PMM2: variants seen among roughly 807,000 people sequenced by gnomAD.
PMM2 encodes mannose-6-phosphate isomerase.
A neutral mutation model predicts 33.2 loss-of-function variants in PMM2; 35 were observed. That is an observed-to-expected ratio of 1.06 (90% CI 0.81 to 1.40). The LOEUF is 1.40. Ranked by LOEUF, PMM2 falls within the 40% of genes most tolerant of loss-of-function variation. The pLI is 0.00. For missense variants in PMM2, 386 were observed against 306.0 expected (o/e 1.26, Z -1.95); for synonymous variants, 153 against 114.7 (o/e 1.33, Z -2.13).
intron 7 of PMM2, among the ~76,000 whole-genome samples, chr16:8,837,063 G>T (rs565358403): frequency 1.5e-4 from 23 of 151,966 alleles, no homozygotes; most frequent in Non-Finnish European, 3.2e-4. Flanking sequence ...GCCTGGCGAG[G>T]AGGAGAGGTC....
At chr16:8,798,957 GCTCAA>G (rs1412971024) in intron 1 of PMM2, among the ~76,000 whole-genome samples, 1 of 152,224 alleles carries the variant, frequency 6.6e-6, no homozygotes, top group East Asian at 1.9e-4. Context: ...TAGTGATGAC[GCTCAA>G]CTCCCAAGTT....
At chr16:8,798,820 A>T (rs150174406) in intron 1 of PMM2, among the ~76,000 whole-genome samples, 30 of 152,110 alleles carry the variant, frequency 2.0e-4, no homozygotes, top group Non-Finnish European at 2.4e-4. Context: ...CACTATCCTC[A>T]GCTTCTACCC....
chr16:8,813,125 G>C lies in PMM2; in HGVS notation c.639+19G>C, dbSNP rs145473288. On this transcript the variant is annotated intron_variant, in intron 7 of 7. Coordinates refer to ENST00000268261, the MANE Select transcript of PMM2 (RefSeq NM_000303.3). ...TATGCCAGTAAGTAGAGAAGTGTTT[G>C]TGCACCTTCATTGTTGCATTTGCGC... 192 of 1,428,174 alleles carry C rather than the reference G, an allele frequency of 1.3e-4. No individual in the cohort carries two copies. In the African/African-American group the frequency reaches 2.3e-3, roughly 17 times the overall value. The allele number at this position is 1,428,174 out of a possible 1,614,324, so 88.5% of individuals were successfully genotyped here.
intron 7 of PMM2, among the ~76,000 whole-genome samples, chr16:8,817,063 C>T (rs776246416): frequency 2.6e-5 from 4 of 152,150 alleles, no homozygotes; most frequent in African/African-American, 7.2e-5. Context: ...GAATTAGAGG[C>T]GTGCACTACC....
At chr16:8,838,969 G>C (rs2060871468) in intron 7 of PMM2, among the ~76,000 whole-genome samples, 1 of 152,018 alleles carries the variant, frequency 6.6e-6, no homozygotes, top group South Asian at 2.1e-4. Flanking sequence ...TGCAGCTAAA[G>C]AGTCAACTTG....
At chr16:8,804,872 A>G (rs2060638134) in intron 3 of PMM2, 29 bp downstream of exon 3, 5 of 1,384,344 alleles carry the variant, frequency 3.6e-6, no homozygotes, top group South Asian at 1.2e-5. Flanking sequence ...GAATTACTAT[A>G]TACTATTAAA....
intron 2 of PMM2, chr16:8,802,248 G>T: frequency 4.4e-6 from 2 of 453,540 alleles, no homozygotes; most frequent in Non-Finnish European, 8.9e-6. Flanking sequence ...TCTTCATATT[G>T]TCCCTCTGAC....
At chr16:8,801,049 G>T (rs1448661605) in intron 1 of PMM2, among the ~76,000 whole-genome samples, 1 of 152,138 alleles carries the variant, frequency 6.6e-6, no homozygotes, top group Non-Finnish European at 1.5e-5. Context: ...TCCATAAATG[G>T]AGTATAGTGT....
rs104894527 is a variant in PMM2, at chr16:8,804,781, G to T, written c.193G>T (p.Asp65Tyr). 1.2e-6 allele frequency: 2 copies of T among 1,612,580 alleles called. No individual in the cohort carries two copies. The highest frequency in any genetic ancestry group is 3.3e-5 in the Admixed American group (2 of 59,984). Residue 65 changes from aspartate (D) to tyrosine (Y), a missense_variant, in exon 3 of 8, where the codon GAT becomes TAT. By Grantham distance (160) the Asp-to-Tyr change is radical. Transcript: ENST00000268261. The part of the protein sequence containing the change: ...QLGNDVVEKY[D>Y]YVFPENGLVA... ...TTTGATTGTAGTGGTTGAAAAATAC[G>T]ATTATGTGTTTCCAGAAAATGGCTT... is the stretch of plus-strand genomic sequence containing the variant.
At chr16:8,838,724 A>G (rs2060869124) in intron 7 of PMM2, among the ~76,000 whole-genome samples, 1 of 152,084 alleles carries the variant, frequency 6.6e-6, no homozygotes, top group South Asian at 2.1e-4. Context: ...AATGGGTATT[A>G]AAGGACTAAG....
chr16:8,834,354 G>C lies in PMM2; in HGVS notation c.640-13370G>C, dbSNP rs1279591696. 1.7e-4 allele frequency among the ~76,000 whole-genome samples: 26 copies of C among 152,222 alleles called. No individual in the cohort carries two copies. The East Asian group carries it at 5.0e-3, about 29-fold the overall frequency. On this transcript the variant is annotated intron_variant, in intron 7 of 7. Transcript: ENST00000268261. ...TGGGTGATTTGACTAGTAAAGGCTG[G>C]TCCGTTATCAGACTGTATAGAGGTG... is the stretch of plus-strand genomic sequence containing the variant.
At chr16:8,844,438 C>T (rs1432619343) in intron 7 of PMM2, among the ~76,000 whole-genome samples, 1 of 152,030 alleles carries the variant, frequency 6.6e-6, no homozygotes, top group Non-Finnish European at 1.5e-5. Flanking sequence ...TTGCCTCTCC[C>T]CCAGAAAAGC....
At chr16:8,827,364 C>T (rs1160973507) in intron 7 of PMM2, among the ~76,000 whole-genome samples, 1 of 151,274 alleles carries the variant, frequency 6.6e-6, no homozygotes, top group African/African-American at 2.4e-5. Context: ...AGAAAAAGCA[C>T]AAAGGCCTTT....
rs1300045596 is a variant in PMM2, at chr16:8,847,930, G to GCAGGCTCTGCATGCTATGC, written c.*111_*129dup. ...ACGTGCTCACCCACCCGCAGCCTAGGCAGGCTCTGCATGCTATGCCAGGCA... is the reference window on the plus strand; with the variant it reads ...ACGTGCTCACCCACCCGCAGCCTAGGCAGGCTCTGCATGCTATGCCAGGCTCTGCATGCTATGCCAGGCA... On this transcript the variant is annotated 3_prime_UTR_variant, in exon 8 of 8. Transcript: ENST00000268261. The GCAGGCTCTGCATGCTATGC allele has an allele frequency of 5.0e-6, 4 of 795,576 alleles. No individual in the cohort carries two copies. The highest frequency in any genetic ancestry group is 1.7e-5 in the African/African-American group (1 of 59,168). 49.3% of individuals were successfully genotyped at this position (795,576 alleles called of 1,614,324 possible). A position where few individuals can be genotyped will look rare whatever the true frequency, so the allele number is the denominator to read the frequency against.
chr16:8,812,851 G>C, intron 6 of PMM2, 140 bp from the exon 7 acceptor site: 1 of 700,880 alleles, frequency 1.4e-6, no homozygotes, highest in Non-Finnish European at 2.6e-6. Flanking sequence ...GCATGAAGTA[G>C]TCTAAGTAGC....
chr16:8,805,188 C>T (rs1368994866), intron 3 of PMM2, among the ~76,000 whole-genome samples: 1 of 152,224 alleles, frequency 6.6e-6, no homozygotes, highest in African/African-American at 2.4e-5. Context: ...ACGCCTCAGC[C>T]TCCCCCATAG....
intron 2 of PMM2, among the ~76,000 whole-genome samples, chr16:8,802,567 G>A (rs1467008375): frequency 6.6e-6 from 1 of 152,160 alleles, no homozygotes; most frequent in African/African-American, 2.4e-5. Context: ...GGTGGCTCAC[G>A]CTTATAATCC....
In PMM2 at chr16:8,811,646, TATAAG is replaced by T. The variant is rs774738702; in HGVS notation, c.458_462del (p.Ile153ThrfsTer27). 3.1e-6 allele frequency: 5 copies of T among 1,610,760 alleles called. No individual in the cohort carries two copies. In the East Asian group the frequency reaches 1.1e-4, roughly 36 times the overall value. The stretch of plus-strand genomic sequence containing the variant: ...CTTTTTGTTTTTCTCAGAAAGAAAA[TATAAG>T]ACAAAAGTTTGTAGCAGATCTACGG... On this transcript the variant is annotated frameshift_variant, in exon 6 of 8. Transcript: ENST00000268261. LOFTEE classifies it high-confidence loss of function.
intron 7 of PMM2, among the ~76,000 whole-genome samples, chr16:8,845,057 A>G (rs1179698976): frequency 6.6e-6 from 1 of 152,346 alleles, no homozygotes; most frequent in East Asian, 1.9e-4. Context: ...AGAGACCACC[A>G]AACAGGCTTT....
Sources: gnomAD v4.1 joint callset for allele counts (sites outside exome capture counted in the v4.1 genomes callset) on GRCh38, gnomAD v4.1.1 for gene constraint, MANE v1.5 for transcripts, NCBI Gene and HGNC (gene_info 2026-07-23, HGNC 2026-07-21) for gene names.